The following FER variants were observed in gnomAD, a reference collection of about 807,000 sequenced individuals.
FER encodes the protein FER tyrosine kinase, also known as tyrosine-protein kinase Fer.
In FER, 63 loss-of-function variants were observed where a neutral mutation model predicts 111.0. The observed-to-expected ratio is 0.57, with a 90% confidence interval of 0.46 to 0.70. The LOEUF (loss-of-function observed/expected upper bound fraction) is 0.70, where lower values mean the gene tolerates loss of function less well. Among genes scored for constraint, FER ranks in the 30% least tolerant of loss-of-function variants. The pLI, the probability that FER is intolerant of heterozygous loss-of-function variation, is 0.00. For synonymous variants in FER, 327 were observed against 313.9 expected (o/e 1.04, Z -0.44); for missense variants, 914 against 954.0 (o/e 0.96, Z 0.55).
At chr5:109,163,692 C>T (rs114069629) in intron 17 of FER, among the ~76,000 whole-genome samples, 2 of 152,224 alleles carry the variant, frequency 1.3e-5, no homozygotes, top group Non-Finnish European at 2.9e-5. Context: ...ATCCTCCTGC[C>T]TCGGCTTCCT....
At chr5:108,924,181 AC>A (rs1753414591) in intron 10 of FER, among the ~76,000 whole-genome samples, 1 of 151,630 alleles carries the variant, frequency 6.6e-6, no homozygotes, top group African/African-American at 2.4e-5. Context: ...ACATGGTAAA[AC>A]CCCGTCTCTA....
intron 13 of FER, among the ~76,000 whole-genome samples, chr5:109,018,803 G>A (rs72790534): frequency 0.11 from 17,111 of 151,620 alleles, 1,277 homozygotes; most frequent in Middle Eastern, 0.23. Context: ...GACTTAAGTA[G>A]TAGAGTTGGA....
At chr5:108,791,973 T>C (rs1488564286) in intron 2 of FER, among the ~76,000 whole-genome samples, 1 of 152,258 alleles carries the variant, frequency 6.6e-6, no homozygotes, top group Non-Finnish European at 1.5e-5. Context: ...GGCACCCATG[T>C]AGAAAATCAC....
At chr5:109,163,230 T>G (rs1419105940) in intron 17 of FER, among the ~76,000 whole-genome samples, 1 of 149,796 alleles carries the variant, frequency 6.7e-6, no homozygotes, top group Admixed American at 6.6e-5. Context: ...TAGTTTATGC[T>G]TTTTTATTTC....
intron 5 of FER, chr5:108,841,717 C>A: frequency 4.7e-6 from 1 of 211,558 alleles, no homozygotes; most frequent in Non-Finnish European, 9.8e-6. Flanking sequence ...GCTGCTGAAC[C>A]TGCAGTCTGT....
At chr5:109,081,948 C>G (rs1777034714) in intron 16 of FER, among the ~76,000 whole-genome samples, 1 of 151,948 alleles carries the variant, frequency 6.6e-6, no homozygotes, top group African/African-American at 2.4e-5. Flanking sequence ...CTCTCCTACC[C>G]CTTCAGAATC....
intron 16 of FER, among the ~76,000 whole-genome samples, chr5:109,088,958 C>T (rs181878596): frequency 6.6e-6 from 1 of 152,262 alleles, no homozygotes; most frequent in African/African-American, 2.4e-5. Context: ...AGGATAGTGA[C>T]TCACAAAGTT....
chr5:108,946,040 A>G, intron 10 of FER, 90 bp from the exon 11 acceptor site: 1 of 787,798 alleles, frequency 1.3e-6, no homozygotes, highest in Non-Finnish European at 2.1e-6. Context: ...GACATGATGG[A>G]TAAGCTGTGG....
At chr5:109,115,494 T>A (rs1392886104) in intron 17 of FER, among the ~76,000 whole-genome samples, 1 of 152,154 alleles carries the variant, frequency 6.6e-6, no homozygotes, top group African/African-American at 2.4e-5. Flanking sequence ...CTTAACTAAT[T>A]ATCTCTACAC....
intron 16 of FER, among the ~76,000 whole-genome samples, chr5:109,082,652 A>G (rs916319917): frequency 1.3e-5 from 2 of 151,268 alleles, no homozygotes; most frequent in African/African-American, 4.9e-5. Context: ...TTTTGTCCTG[A>G]TTTTCATTAA....
intron 3 of FER, among the ~76,000 whole-genome samples, chr5:108,803,673 A>C (rs760130849): frequency 2.6e-5 from 4 of 151,322 alleles, no homozygotes; most frequent in South Asian, 4.2e-4. Flanking sequence ...TGTGTTTTCT[A>C]ATCTGTTCCA....
chr5:109,087,493 A>T (rs1464911638), intron 16 of FER, among the ~76,000 whole-genome samples: 2 of 151,674 alleles, frequency 1.3e-5, no homozygotes, highest in African/African-American at 2.4e-5. Flanking sequence ...AACACTGATT[A>T]TATGTTTGTC....
intron 16 of FER, among the ~76,000 whole-genome samples, chr5:109,052,769 A>T (rs1270061003): frequency 2.6e-5 from 4 of 152,224 alleles, no homozygotes; most frequent in Admixed American, 2.6e-4. Flanking sequence ...ACTTACACTC[A>T]TAGGGATCCA....
chr5:109,133,075 G>C (rs1285891450), intron 17 of FER, among the ~76,000 whole-genome samples: 1 of 152,102 alleles, frequency 6.6e-6, no homozygotes, highest in Non-Finnish European at 1.5e-5. Context: ...TGGGATTTTT[G>C]TCATACTGTA....
At chr5:109,022,240 AG>A (rs141141935) in intron 13 of FER, among the ~76,000 whole-genome samples, 6,917 of 152,122 alleles carry the variant, frequency 0.045, 247 homozygotes, top group South Asian at 0.11. Flanking sequence ...TATTGTCTCA[AG>A]GGAAGTCCAT....
At chr5:108,839,738 T>A (rs1311884547) in intron 5 of FER, among the ~76,000 whole-genome samples, 1 of 151,886 alleles carries the variant, frequency 6.6e-6, no homozygotes, top group Non-Finnish European at 1.5e-5. Flanking sequence ...CCATCACGCC[T>A]GGCTAATTTT....
intron 10 of FER, among the ~76,000 whole-genome samples, chr5:108,942,644 T>G (rs1756427219): frequency 1.3e-5 from 2 of 152,196 alleles, no homozygotes; most frequent in South Asian, 4.1e-4. Flanking sequence ...TCTTTCATTG[T>G]GCCCAGCAAA....
At chr5:109,036,587 A>C (rs912506850) in intron 13 of FER, among the ~76,000 whole-genome samples, 2 of 151,958 alleles carry the variant, frequency 1.3e-5, no homozygotes, top group Non-Finnish European at 2.9e-5. Flanking sequence ...AAATATATCA[A>C]CCAGGATACT....
intron 17 of FER, among the ~76,000 whole-genome samples, chr5:109,154,468 A>G (rs1755158661): frequency 6.6e-6 from 1 of 151,900 alleles, no homozygotes; most frequent in African/African-American, 2.4e-5. Context: ...TTTTATAGAG[A>G]GTAAAAAAGA....
Sources: gnomAD v4.1 joint callset for allele counts (sites outside exome capture counted in the v4.1 genomes callset) on GRCh38, gnomAD v4.1.1 for gene constraint, MANE v1.5 for transcripts, NCBI Gene and HGNC (gene_info 2026-07-23, HGNC 2026-07-21) for gene names.